VPS37B: variants seen among roughly 807,000 people sequenced by gnomAD.
The protein encoded by VPS37B is VPS37B subunit of ESCRT-I.
A neutral mutation model predicts 21.2 loss-of-function variants in VPS37B; 11 were observed. The ratio of observed to expected loss-of-function variants is 0.52; its 90% CI spans 0.33 to 0.86. VPS37B has a LOEUF of 0.86. Ranked by LOEUF, VPS37B falls within the 40% of genes least tolerant of loss-of-function variation. The pLI is 0.03. For missense variants in VPS37B, 389 were observed against 374.8 expected, an observed-to-expected ratio of 1.04 and a Z score of -0.31; for synonymous variants, 175 against 159.6, an observed-to-expected ratio of 1.10 and a Z score of -0.73.
At chr12:122,883,369 C>T (rs973808190) in intron 1 of VPS37B, 3 of 152,124 alleles carry the variant, frequency 2.0e-5, no homozygotes, top group Admixed American at 6.6e-5. Flanking sequence ...AAGCTAGGCT[C>T]GAAAATAAAT....
At chr12:122,878,454 A>T (rs2135705055) in intron 1 of VPS37B, 1 of 152,294 alleles carries the variant, frequency 6.6e-6, no homozygotes, top group East Asian at 1.9e-4. Context: ...CCTGGGAGTG[A>T]CAGGATGCTT....
chr12:122,888,759 T>C (rs2034365602), intron 1 of VPS37B: 1 of 346,946 alleles, frequency 2.9e-6, no homozygotes, highest in Admixed American at 3.4e-5. Context: ...TCTTTCCTTC[T>C]CCCAACCCAC....
At chr12:122,874,831 C>G (rs942944601) in intron 1 of VPS37B, 4 of 151,848 alleles carry the variant, frequency 2.6e-5, no homozygotes, top group African/African-American at 9.7e-5. Flanking sequence ...GCCTGTAATC[C>G]CAGCTACTCG....
chr12:122,867,157 G>A lies in VPS37B; in HGVS notation c.817C>T (p.Pro273Ser), dbSNP rs1365561103. 6 of 1,552,360 alleles carry A rather than the reference G, an allele frequency of 3.9e-6. No individual in the cohort carries two copies. In the Admixed American group the frequency reaches 1.2e-4, roughly 32 times the overall value. The change falls in exon 4 of 4, where the codon CCC becomes TCC. Residue 273 changes from proline to serine, a missense_variant. Pro to Ser is a moderately conservative substitution (Grantham distance 74). Transcript: ENST00000267202. This position sits in a 1 kb window ranked among gnomAD's most constrained non-coding sequence, Gnocchi z 5.5. ...CCCGGCTGGTGTGGAGGGAGCCGGG[G>A]CGGGGGTCTCTGAGGGAGAGGTGGC... is the stretch of plus-strand genomic sequence containing the variant. ...YPPPLPQRPP[P>S]RLPPHQPGFI...
chr12:122,876,054 CATT>C (rs2034143375), intron 1 of VPS37B: 1 of 152,132 alleles, frequency 6.6e-6, no homozygotes, highest in Non-Finnish European at 1.5e-5. Flanking sequence ...CTTCAGTTTC[CATT>C]ACTTCTCATA....
At chr12:122,891,969 A>G (rs1417107259) in intron 1 of VPS37B, among the ~76,000 whole-genome samples, 1 of 150,044 alleles carries the variant, frequency 6.7e-6, no homozygotes, top group Non-Finnish European at 1.5e-5. Context: ...TGGAATCTTT[A>G]GCAGTAACCA....
At chr12:122,870,752 G>C in intron 2 of VPS37B, 138 bp downstream of exon 2, 2 of 821,570 alleles carry the variant, frequency 2.4e-6, no homozygotes, top group Non-Finnish European at 3.8e-6. Context: ...ATATACATAA[G>C]CTATTTGTTC....
Position 122,871,002 on chromosome 12 carries a change from T to C in VPS37B, c.171A>G (p.Glu57=). 1 of 1,614,224 alleles carries C rather than the reference T, an allele frequency of 6.2e-7. No homozygotes were observed. Among genetic ancestry groups the C allele is most frequent in the South Asian group, 1.1e-5 (1 of 91,088 alleles). Residue 57 remains glutamate (E), a synonymous_variant, in exon 2 of 4, where the codon GAA becomes GAG. Coordinates refer to ENST00000267202, the MANE Select transcript of VPS37B (RefSeq NM_024667.3). ...GCTGGGGCTGGTACAAAAGGTTTCCTTCTGCCAGGCTCCGGTTGCTGGCAA... is the reference window on the plus strand; with the variant it reads ...GCTGGGGCTGGTACAAAAGGTTTCCCTCTGCCAGGCTCCGGTTGCTGGCAA... ...MTLASNRSLA[E]GNLLYQPQLD...
intron 1 of VPS37B, chr12:122,886,968 C>A (rs992428291): frequency 6.6e-6 from 1 of 152,202 alleles, no homozygotes; most frequent in African/African-American, 2.4e-5. Context: ...AATTTTTGTA[C>A]GGCTTTTATG....
rs1048870690 is a variant in VPS37B at position 122,872,741 on chromosome 12, C to T, written c.112-1680G>A. 27 of 960,466 alleles carry T rather than the reference C, an allele frequency of 2.8e-5. No individual in the cohort carries two copies. The Admixed American group carries it at 3.1e-4, about 11-fold the overall frequency. The allele number at this position is 960,466 out of a possible 1,614,324, so 59.5% of individuals were successfully genotyped here. ...AGGCACTTTTTAATAAAGCTGAATA[C>T]GTAACTACCCTATGACCCAGAAGTT... On this transcript the variant is annotated intron_variant, in intron 1 of 3. Coordinates refer to ENST00000267202, the MANE Select transcript of VPS37B (RefSeq NM_024667.3).
intron 1 of VPS37B, chr12:122,871,789 CAGG>C: frequency 1.0e-6 from 1 of 964,820 alleles, no homozygotes; most frequent in Non-Finnish European, 1.2e-6. Flanking sequence ...GGGAGAACGA[CAGG>C]AGTAGAAGGT....
chr12:122,888,527 G>C, intron 1 of VPS37B: 1 of 455,928 alleles, frequency 2.2e-6, no homozygotes, highest in South Asian at 1.5e-5. Flanking sequence ...TACCTGGCAT[G>C]AATCTCCATA....
intron 1 of VPS37B, chr12:122,887,874 GTTT>G (rs893604376): frequency 6.6e-6 from 1 of 152,000 alleles, no homozygotes; most frequent in Non-Finnish European, 1.5e-5. Flanking sequence ...GACCACTTTT[GTTT>G]TTTTTCTTTT....
chr12:122,890,163 T>C (rs2034392496), intron 1 of VPS37B: 1 of 152,206 alleles, frequency 6.6e-6, no homozygotes, highest in Admixed American at 6.5e-5. Flanking sequence ...TATTATTCTA[T>C]TTAATAATTT....
At chr12:122,891,673 T>A (rs538349996) in intron 1 of VPS37B, among the ~76,000 whole-genome samples, 31 of 152,324 alleles carry the variant, frequency 2.0e-4, no homozygotes, top group African/African-American at 7.2e-4. Context: ...AGAGTGCAAA[T>A]CTTAGCTTCT....
At chr12:122,870,083 A>G (rs1315162233) in intron 2 of VPS37B, 1 of 151,740 alleles carries the variant, frequency 6.6e-6, no homozygotes, top group Non-Finnish European at 1.5e-5. Flanking sequence ...GCATAAGACA[A>G]ACGGGCAAAC....
chr12:122,891,371 C>T (rs990346580), intron 1 of VPS37B, among the ~76,000 whole-genome samples: 3 of 152,224 alleles, frequency 2.0e-5, no homozygotes, highest in African/African-American at 7.2e-5. Context: ...CTTACAAGTA[C>T]TCTAAAAGAT....
intron 1 of VPS37B, chr12:122,885,434 A>T (rs2034307028): frequency 6.6e-6 from 1 of 152,114 alleles, no homozygotes; most frequent in Admixed American, 6.5e-5. Flanking sequence ...AAATCATGTC[A>T]TGTAAGAATA....
In VPS37B at chr12:122,866,930, A is replaced by G. The variant is rs1317451680; in HGVS notation, c.*186T>C. On this transcript the variant is annotated 3_prime_UTR_variant, in exon 4 of 4. Transcript: ENST00000267202. ...GTCAGGCTGTAACCCGGCACACACA[A>G]CTGCCTTGATGCCCAAAGCCTGGGC... 1.6e-6 allele frequency: 1 copy of G among 633,156 alleles called. No homozygotes were observed. Among genetic ancestry groups the G allele is most frequent in the Non-Finnish European group, 2.4e-6 (1 of 412,866 alleles). The allele number at this position is 633,156 out of a possible 1,614,324, so 39.2% of individuals were successfully genotyped here.
Sources: gnomAD v4.1 joint callset for allele counts (sites outside exome capture counted in the v4.1 genomes callset) on GRCh38, gnomAD v4.1.1 for gene constraint, Gnocchi (gnomAD v3.1) non-coding constraint, MANE v1.5 for transcripts, NCBI Gene and HGNC (gene_info 2026-07-23, HGNC 2026-07-21) for gene names.